LIMA1: variants seen among roughly 807,000 people sequenced by gnomAD.
The protein encoded by LIMA1 is LIM domain and actin binding 1.
LIMA1 carries 52 observed loss-of-function variants against 62.6 expected under a neutral mutation model. That is an observed-to-expected ratio of 0.83 (90% CI 0.67 to 1.05). The LOEUF (loss-of-function observed/expected upper bound fraction) is 1.05. Among genes scored for constraint, LIMA1 ranks in the 50% least tolerant of loss-of-function variants. The pLI is 0.00. For synonymous variants in LIMA1, 302 were observed against 317.8 expected (o/e 0.95, Z 0.53); for missense variants, 780 against 902.2 (o/e 0.86, Z 1.74).
At chr12:50,183,018 A>T (rs1166962528) in intron 9 of LIMA1, among the ~76,000 whole-genome samples, 1 of 152,136 alleles carries the variant, frequency 6.6e-6, no homozygotes, top group Middle Eastern at 3.2e-3. Context: ...CCTGGCCAAC[A>T]TGGTGAAACC....
intron 4 of LIMA1, among the ~76,000 whole-genome samples, chr12:50,206,927 C>T (rs892594012): frequency 1.1e-4 from 16 of 151,772 alleles, no homozygotes; most frequent in Non-Finnish European, 2.2e-4. Flanking sequence ...GTGGATGACA[C>T]AGATTTTTTT....
At position 50,261,044 on chromosome 12, in the gene LIMA1, T is replaced by A. The variant is rs369272373; in HGVS notation, c.-23-12270A>T. On this transcript the variant is annotated intron_variant, in intron 1 of 10. Coordinates refer to ENST00000341247, the MANE Select transcript of LIMA1 (RefSeq NM_016357.5). Reference sequence around the variant, plus strand: ...TTTGCTTTTCTGCCATCTAGTATATTTTTTTTTTTTTTTTTTTTTTTTTTT... The same window carrying A: ...TTTGCTTTTCTGCCATCTAGTATATATTTTTTTTTTTTTTTTTTTTTTTTT... Among the ~76,000 whole-genome samples the A allele has an allele frequency of 7.2e-3, 180 of 25,066 alleles. 3 individuals are homozygous for A. The highest frequency in any genetic ancestry group is 0.017 in the African/African-American group (72 of 4,300). 16.4% of individuals were successfully genotyped at this position (25,066 alleles called of 152,430 possible).
chr12:50,224,654 G>A (rs1420448008), intron 3 of LIMA1, among the ~76,000 whole-genome samples: 1 of 152,160 alleles, frequency 6.6e-6, no homozygotes, highest in African/African-American at 2.4e-5. Flanking sequence ...TGTGATCAAA[G>A]TATACTTATT....
At chr12:50,234,506 G>T (rs1043999193) in intron 2 of LIMA1, among the ~76,000 whole-genome samples, 5 of 151,988 alleles carry the variant, frequency 3.3e-5, no homozygotes, top group African/African-American at 1.2e-4. Context: ...ACCATGCCTG[G>T]CCCTAGAACA....
At position 50,206,060 on chromosome 12, in the gene LIMA1, C is replaced by T; in HGVS notation, c.639G>A (p.Arg213=). The change falls in exon 5 of 11, where the codon CGG becomes CGA. Residue 213 remains arginine, a synonymous_variant. Transcript: ENST00000341247. ...TTCCACTTGCACTTCGGCTTTGGGC[C>T]CGGAGAATCTGGAAAACGAAACCCA... ...KGEPTQTKIL[R]AQSRSASGRK... The T allele has an allele frequency of 1.2e-6, 2 of 1,611,692 alleles. No individual in the cohort carries two copies. The highest frequency in any genetic ancestry group is 1.7e-6 in the Non-Finnish European group (2 of 1,178,494).
intron 8 of LIMA1, among the ~76,000 whole-genome samples, chr12:50,194,669 C>A (rs774253399): frequency 6.6e-6 from 1 of 152,036 alleles, no homozygotes; most frequent in Non-Finnish European, 1.5e-5. Context: ...TGAGAGGCTG[C>A]GGTGGTAGGA....
At chr12:50,268,007 CTTTT>C (rs572025566) in intron 1 of LIMA1, among the ~76,000 whole-genome samples, 2 of 152,094 alleles carry the variant, frequency 1.3e-5, no homozygotes, top group East Asian at 3.9e-4. Flanking sequence ...CTACAACTTA[CTTTT>C]TTTTAAATTA....
intron 4 of LIMA1, among the ~76,000 whole-genome samples, chr12:50,217,171 T>C (rs1259127838): frequency 6.6e-6 from 1 of 151,872 alleles, no homozygotes; most frequent in Non-Finnish European, 1.5e-5. Context: ...AAAGCCAACA[T>C]TGTTCTTTCT....
intron 4 of LIMA1, chr12:50,220,698 C>A (rs962441925): frequency 5.3e-5 from 8 of 152,122 alleles, no homozygotes; most frequent in Admixed American, 1.3e-4. Flanking sequence ...TTTTTTCCTT[C>A]CACTTAAAAT....
chr12:50,183,076 C>T (rs1940541852), intron 9 of LIMA1, among the ~76,000 whole-genome samples: 1 of 152,038 alleles, frequency 6.6e-6, no homozygotes, highest in Non-Finnish European at 1.5e-5. Flanking sequence ...GTGGTACACT[C>T]GTGTAATCCC....
chr12:50,202,289 G>T (rs1015046608), intron 6 of LIMA1, among the ~76,000 whole-genome samples: 2 of 152,098 alleles, frequency 1.3e-5, no homozygotes, highest in African/African-American at 4.8e-5. Context: ...AATTCTTTGG[G>T]GATGAGACAA....
chr12:50,236,558 C>T (rs562348146), intron 2 of LIMA1, among the ~76,000 whole-genome samples: 2 of 152,212 alleles, frequency 1.3e-5, no homozygotes, highest in East Asian at 1.9e-4. Flanking sequence ...CTCAGCCTCC[C>T]AAAGTGCTGG....
rs1037202868 is a variant in LIMA1, at chr12:50,245,465, A to G, written c.119+3168T>C. 2.6e-5 allele frequency among the ~76,000 whole-genome samples: 4 copies of G among 151,924 alleles called. No homozygotes were observed. The East Asian group carries it at 7.7e-4, about 29-fold the overall frequency. On this transcript the variant is annotated intron_variant, in intron 2 of 10. Coordinates refer to ENST00000341247, the MANE Select transcript of LIMA1 (RefSeq NM_016357.5). ...AAAAAGAAAAGAAATTATGAGCCCA[A>G]AGTATCAGACAGGTCACTGATGTGG...
chr12:50,235,388 C>T (rs1404745143), intron 2 of LIMA1, among the ~76,000 whole-genome samples: 1 of 149,782 alleles, frequency 6.7e-6, no homozygotes, highest in Non-Finnish European at 1.5e-5. Context: ...AAGTGATTCT[C>T]CTGAGTAGCT....
chr12:50,236,734 CCA>C (rs145408139), intron 2 of LIMA1, among the ~76,000 whole-genome samples: 166 of 148,750 alleles, frequency 1.1e-3, no homozygotes, highest in Non-Finnish European at 1.3e-3. Flanking sequence ...CTCCTTAAAA[CCA>C]CACACACACA....
chr12:50,213,121 C>T (rs1047110998), intron 4 of LIMA1, among the ~76,000 whole-genome samples: 1 of 152,184 alleles, frequency 6.6e-6, no homozygotes, highest in South Asian at 2.1e-4. Context: ...TGAGCCACCA[C>T]GCCAGGTCCC....
intron 2 of LIMA1, among the ~76,000 whole-genome samples, chr12:50,243,104 C>T (rs79157395): frequency 0.023 from 3,539 of 152,256 alleles, 127 homozygotes; most frequent in African/African-American, 0.08. Flanking sequence ...TCAAATTTAA[C>T]GACTGTTATA....
intron 2 of LIMA1, among the ~76,000 whole-genome samples, chr12:50,239,921 G>A (rs1471651275): frequency 6.6e-6 from 1 of 151,870 alleles, no homozygotes; most frequent in African/African-American, 2.4e-5. Context: ...CTGAGCCCAG[G>A]AATTTGAGGA....
intron 7 of LIMA1, among the ~76,000 whole-genome samples, chr12:50,198,480 A>G (rs941325126): frequency 1.3e-4 from 20 of 152,170 alleles, no homozygotes; most frequent in African/African-American, 4.8e-4. Flanking sequence ...CTTGAGCCCA[A>G]GAGTTGGAGG....
Sources: gnomAD v4.1 joint callset for allele counts (sites outside exome capture counted in the v4.1 genomes callset) on GRCh38, gnomAD v4.1.1 for gene constraint, MANE v1.5 for transcripts, NCBI Gene and HGNC (gene_info 2026-07-23, HGNC 2026-07-21) for gene names.